The following SFMBT2 variants were observed in gnomAD, a reference collection of about 807,000 sequenced individuals.
SFMBT2 encodes scm-like with four MBT domains protein 2.
In SFMBT2, 38 loss-of-function variants were observed where a neutral mutation model predicts 110.1. The ratio of observed to expected loss-of-function variants is 0.35; its 90% CI spans 0.27 to 0.45. The LOEUF is 0.45. SFMBT2 is among the 20% of genes least tolerant of loss of function. The probability of loss-of-function intolerance (pLI) is 1.00; values close to 1 mark genes in which losing one functional copy is unlikely to be tolerated. For synonymous variants in SFMBT2, 425 were observed against 425.4 expected (o/e 1.00, Z 0.01); for missense variants, 1,011 against 1,094.9 (o/e 0.92, Z 1.08).
At chr10:7,243,265 A>G (rs1285300046) in intron 9 of SFMBT2, among the ~76,000 whole-genome samples, 1 of 152,162 alleles carries the variant, frequency 6.6e-6, no homozygotes, top group Non-Finnish European at 1.5e-5. Context: ...GAGCTCAATC[A>G]CTTAGCAATG....
chr10:7,350,281 C>T (rs959225447), intron 4 of SFMBT2, among the ~76,000 whole-genome samples: 6 of 152,002 alleles, frequency 3.9e-5, no homozygotes, highest in Non-Finnish European at 4.4e-5. Context: ...GTCCCAATCA[C>T]GAGGTCTGGG....
chr10:7,251,785 G>A (rs888035459), intron 7 of SFMBT2, among the ~76,000 whole-genome samples: 3 of 151,824 alleles, frequency 2.0e-5, no homozygotes, highest in Non-Finnish European at 4.4e-5. Context: ...CCTTCTCTGT[G>A]CAGGACCCCT....
intron 4 of SFMBT2, chr10:7,287,365 C>T (rs1842127061): frequency 4.1e-6 from 1 of 243,306 alleles, no homozygotes. Flanking sequence ...AGGCGTGAGC[C>T]ACCGCACCCG....
rs532994420 is a variant in SFMBT2, at chr10:7,225,129, C to T, written c.1203+2726G>A. Among the ~76,000 whole-genome samples, 62 of 152,254 alleles carry T rather than the reference C, an allele frequency of 4.1e-4. No homozygotes were observed. In the South Asian group the frequency reaches 0.013, roughly 31 times the overall value. On this transcript the variant is annotated intron_variant, in intron 10 of 20. Coordinates refer to ENST00000397167, the MANE Select transcript of SFMBT2 (RefSeq NM_001387889.1). ...CTTCTGAAAATACAATCCCATCGGC[C>T]GCTTGAAAAACCTCTAAGTAAGTTA...
chr10:7,270,379 C>T (rs1264247100), intron 7 of SFMBT2, among the ~76,000 whole-genome samples: 1 of 152,164 alleles, frequency 6.6e-6, no homozygotes, highest in Non-Finnish European at 1.5e-5. Context: ...CTAAGTCATC[C>T]AGTCCATGGG....
intron 15 of SFMBT2, among the ~76,000 whole-genome samples, chr10:7,190,840 C>T (rs1302570771): frequency 1.3e-5 from 2 of 152,130 alleles, no homozygotes; most frequent in Non-Finnish European, 2.9e-5. Context: ...CCAAATCTCA[C>T]CTTGAATTGT....
intron 1 of SFMBT2, among the ~76,000 whole-genome samples, chr10:7,393,015 AT>A (rs1564473034): frequency 0.058 from 4,628 of 79,698 alleles, 239 homozygotes; most frequent in African/African-American, 0.12. Context: ...ATATATATAT[AT>A]ATATATATAT....
At chr10:7,203,198 TAG>T in intron 12 of SFMBT2, 4 of 817,608 alleles carry the variant, frequency 4.9e-6, no homozygotes, top group Non-Finnish European at 5.9e-6. Flanking sequence ...CTAAAGCTGC[TAG>T]AGTCTGGCAG....
chr10:7,388,717 C>T (rs1845688723), intron 1 of SFMBT2, among the ~76,000 whole-genome samples: 1 of 151,798 alleles, frequency 6.6e-6, no homozygotes, highest in African/African-American at 2.4e-5. Context: ...GGCAAGACCT[C>T]AGGAAGTGAT....
chr10:7,279,168 A>G (rs1438803135), intron 6 of SFMBT2, among the ~76,000 whole-genome samples: 1 of 151,926 alleles, frequency 6.6e-6, no homozygotes, highest in Non-Finnish European at 1.5e-5. Context: ...GATCCAAGCT[A>G]TGAGAACTCA....
chr10:7,409,980 G>C (rs1846328913), intron 1 of SFMBT2, among the ~76,000 whole-genome samples: 1 of 151,256 alleles, frequency 6.6e-6, no homozygotes, highest in African/African-American at 2.4e-5. Flanking sequence ...ACCGCCCCTG[G>C]TCAAAATCAA....
rs1838985727 is a variant in SFMBT2 at position 7,202,447 on chromosome 10, A to G, written c.1487+33T>C. On this transcript the variant is annotated intron_variant, in intron 13 of 20. Coordinates refer to ENST00000397167, the MANE Select transcript of SFMBT2 (RefSeq NM_001387889.1). ...TAAAGACACTACAGTTTATCGGTAT[A>G]CAGTGTAGTCTGGAGGGGAAAAAAG... is the stretch of plus-strand genomic sequence containing the variant. 3.7e-6 allele frequency: 6 copies of G among 1,613,590 alleles called. No individual in the cohort carries two copies. In the African/African-American group the frequency reaches 4.0e-5, roughly 11 times the overall value.
At chr10:7,245,128 G>A (rs914006149) in intron 8 of SFMBT2, among the ~76,000 whole-genome samples, 2 of 151,920 alleles carry the variant, frequency 1.3e-5, no homozygotes, top group Non-Finnish European at 2.9e-5. Context: ...CACTGCTACC[G>A]GGGGGCACAG....
At chr10:7,333,017 C>T (rs929296346) in intron 4 of SFMBT2, among the ~76,000 whole-genome samples, 1 of 152,164 alleles carries the variant, frequency 6.6e-6, no homozygotes, top group Non-Finnish European at 1.5e-5. Context: ...CAGGCGCACA[C>T]CACCACGCCC....
At chr10:7,197,867 C>T (rs1247082728) in intron 14 of SFMBT2, among the ~76,000 whole-genome samples, 180 bp from the exon 15 acceptor site, 1 of 152,156 alleles carries the variant, frequency 6.6e-6, no homozygotes, top group Admixed American at 6.6e-5. Flanking sequence ...ACACAATAAC[C>T]GTGACAGCCA....
rs775887528 is a variant in SFMBT2, at chr10:7,172,002, C to T, written c.2308G>A (p.Val770Met). ...AVTLRSGSEP[V>M]RRPPPERTRR... is the part of the protein sequence containing the mutation. ...GTCCTCTCTGGGGGTGGCCGGCGCA[C>T]GGGCTCTGAGCCGCTCCGCAGGGTG... Residue 770 changes from valine (V) to methionine (M), a missense_variant, in exon 19 of 21, where the codon GTG becomes ATG. Transcript: ENST00000397167. The surrounding 1 kb of genome is among the most constrained non-coding windows in gnomAD (Gnocchi z 4.6). 45 of 1,561,916 alleles carry T rather than the reference C, an allele frequency of 2.9e-5. 1 individual carries two copies. Among genetic ancestry groups the T allele is most frequent in the Admixed American group, 2.4e-4 (13 of 53,572 alleles).
Position 7,248,561 on chromosome 10 carries a change from G to A in SFMBT2, c.959C>T (p.Ala320Val), listed in dbSNP as rs755947896. 24 of 1,613,848 alleles carry A rather than the reference G, an allele frequency of 1.5e-5. No homozygotes were observed. Among genetic ancestry groups the A allele is most frequent in the African/African-American group, 6.7e-5 (5 of 74,910 alleles). Reference protein sequence around the residue: ...NMCEPFYISPASVTKVFNNHF... With the variant: ...NMCEPFYISPVSVTKVFNNHF... The stretch of plus-strand genomic sequence containing the variant: ...AGGAAAACCCACCTTAGTCACCGAC[G>A]CAGGAGAGATGTAAAAGGGCTCGCA... Residue 320 changes from alanine to valine, a missense_variant, in exon 8 of 21, where the codon GCG (alanine) becomes GTG (valine). By Grantham distance (64) the Ala-to-Val change is moderately conservative. This residue lies in a region of SFMBT2 where 979 missense variants were observed against 1,016.1 expected (regional missense o/e 0.96). Coordinates refer to ENST00000397167, the MANE Select transcript of SFMBT2 (RefSeq NM_001387889.1).
chr10:7,258,699 T>C (rs1038353275), intron 7 of SFMBT2, among the ~76,000 whole-genome samples: 1 of 152,228 alleles, frequency 6.6e-6, no homozygotes, highest in Non-Finnish European at 1.5e-5. Flanking sequence ...GAACCATTTA[T>C]GATATCATTC....
chr10:7,289,472 A>G (rs1250616775), intron 4 of SFMBT2, among the ~76,000 whole-genome samples: 1 of 152,220 alleles, frequency 6.6e-6, no homozygotes, highest in Admixed American at 6.5e-5. Flanking sequence ...TGACATTTAC[A>G]TCTTGCGAGC....
Sources: gnomAD v4.1 joint callset for allele counts (sites outside exome capture counted in the v4.1 genomes callset) on GRCh38, gnomAD v4.1.1 for gene constraint, gnomAD v4.1.1 regional missense constraint, Gnocchi (gnomAD v3.1) non-coding constraint, MANE v1.5 for transcripts, NCBI Gene and HGNC (gene_info 2026-07-23, HGNC 2026-07-21) for gene names.